NLGN1: variants seen among roughly 807,000 people sequenced by gnomAD.
NLGN1 encodes the protein neuroligin 1, also known as neuroligin-1.
Under a neutral mutation model 65.5 loss-of-function variants are expected in NLGN1, and 12 were observed. The observed-to-expected ratio is 0.18, with a 90% CI of 0.12 to 0.30. The LOEUF is 0.30. NLGN1 is among the 10% of genes least tolerant of loss of function. NLGN1 has a pLI of 1.00. For synonymous variants in NLGN1, 350 were observed against 359.5 expected, an observed-to-expected ratio of 0.97 and a Z score of 0.30; for missense variants, 750 against 1,007.1, an observed-to-expected ratio of 0.74 and a Z score of 3.46.
intron 4 of NLGN1, among the ~76,000 whole-genome samples, chr3:174,155,483 T>G (rs1378526479): frequency 6.6e-6 from 1 of 151,974 alleles, no homozygotes; most frequent in African/African-American, 2.4e-5. Flanking sequence ...TTCGTAACAA[T>G]GTATAGTGAA....
intron 5 of NLGN1, among the ~76,000 whole-genome samples, chr3:174,278,392 A>G (rs575059496): frequency 6.6e-6 from 1 of 151,976 alleles, no homozygotes; most frequent in African/African-American, 2.4e-5. Flanking sequence ...TTCAAATAAC[A>G]TCTGTTTAAA....
chr3:173,619,430 C>T (rs1224931943), intron 3 of NLGN1, among the ~76,000 whole-genome samples: 1 of 152,050 alleles, frequency 6.6e-6, no homozygotes, highest in African/African-American at 2.4e-5. Context: ...CTATGCTGGA[C>T]CCCGAAGATA....
chr3:173,958,593 C>T lies in NLGN1; in HGVS notation c.646+150761C>T, dbSNP rs566317903. ...GGCTTCAGAGGGGAGGAAGGGTGAG[C>T]TGATTGCTCCAAGGGCAGCCATGGG... On this transcript the variant is annotated intron_variant, in intron 4 of 6. Transcript: ENST00000457714. 2.0e-5 allele frequency among the ~76,000 whole-genome samples: 3 copies of T among 152,204 alleles called. No individual in the cohort carries two copies. In the East Asian group the frequency reaches 5.8e-4, roughly 30 times the overall value.
At chr3:173,587,474 C>A (rs1295508354) in intron 2 of NLGN1, among the ~76,000 whole-genome samples, 2 of 151,994 alleles carry the variant, frequency 1.3e-5, no homozygotes, top group Non-Finnish European at 2.9e-5. Context: ...AGCAAGGTAC[C>A]CAGTTAGATA....
At chr3:173,771,641 G>GAACCTTTA (rs1371538957) in intron 3 of NLGN1, among the ~76,000 whole-genome samples, 1 of 26,830 alleles carries the variant, frequency 3.7e-5, no homozygotes, top group African/African-American at 9.2e-5. Context: ...AAAATTAGAG[G>GAACCTTTA]TCTCTAGAAT....
chr3:173,907,414 A>T (rs937233834), intron 4 of NLGN1, among the ~76,000 whole-genome samples: 1 of 151,908 alleles, frequency 6.6e-6, no homozygotes, highest in Non-Finnish European at 1.5e-5. Flanking sequence ...TCTACAGAGA[A>T]TTTTTTCAGA....
chr3:174,158,382 C>T (rs1322836566), intron 4 of NLGN1, among the ~76,000 whole-genome samples: 1 of 151,592 alleles, frequency 6.6e-6, no homozygotes, highest in African/African-American at 2.4e-5. Context: ...TAAGTAGAAA[C>T]CAAACCCCAA....
intron 4 of NLGN1, among the ~76,000 whole-genome samples, chr3:174,273,014 T>TTA: frequency 6.6e-6 from 1 of 151,324 alleles, no homozygotes; most frequent in East Asian, 1.9e-4. Context: ...TTTTTTTTTT[T>TTA]ACAGCACTGT....
chr3:173,550,376 G>T (rs1195108886), intron 2 of NLGN1, among the ~76,000 whole-genome samples: 1 of 151,968 alleles, frequency 6.6e-6, no homozygotes, highest in African/African-American at 2.4e-5. Context: ...GTCAAGGAAG[G>T]ATCATCTGCT....
intron 4 of NLGN1, among the ~76,000 whole-genome samples, chr3:174,200,043 T>C (rs1734150242): frequency 6.6e-6 from 1 of 152,166 alleles, no homozygotes; most frequent in Non-Finnish European, 1.5e-5. Flanking sequence ...GTTTCATAGC[T>C]CCTCGTGTGA....
At chr3:173,422,116 G>T (rs567304056) in intron 1 of NLGN1, among the ~76,000 whole-genome samples, 1 of 150,472 alleles carries the variant, frequency 6.6e-6, no homozygotes, top group South Asian at 2.1e-4. Flanking sequence ...ATATATGTGT[G>T]TATGTGTACT....
At chr3:173,983,751 C>T (rs961214711) in intron 4 of NLGN1, among the ~76,000 whole-genome samples, 2 of 152,104 alleles carry the variant, frequency 1.3e-5, no homozygotes, top group East Asian at 1.9e-4. Flanking sequence ...GTCACCTTCA[C>T]GGAGCAGACT....
chr3:173,650,146 T>TG (rs1758915234), intron 3 of NLGN1, among the ~76,000 whole-genome samples: 1 of 152,070 alleles, frequency 6.6e-6, no homozygotes, highest in African/African-American at 2.4e-5. Flanking sequence ...TGATTTTTTT[T>TG]AACTTAATAC....
At chr3:173,926,781 G>A (rs1743081934) in intron 4 of NLGN1, among the ~76,000 whole-genome samples, 1 of 152,188 alleles carries the variant, frequency 6.6e-6, no homozygotes, top group African/African-American at 2.4e-5. Context: ...GGTGGGGAAA[G>A]TGCAGGGAAG....
intron 1 of NLGN1, among the ~76,000 whole-genome samples, chr3:173,421,891 A>G (rs1360999778): frequency 6.6e-6 from 1 of 152,104 alleles, no homozygotes. Flanking sequence ...ATAGTGTCTT[A>G]GTCATTCTTT....
At chr3:173,462,372 C>T (rs1436590590) in intron 2 of NLGN1, among the ~76,000 whole-genome samples, 1 of 152,116 alleles carries the variant, frequency 6.6e-6, no homozygotes, top group Non-Finnish European at 1.5e-5. Context: ...CTCCTCCAAA[C>T]CACTCTTTTC....
At chr3:173,730,702 C>T (rs554743572) in intron 3 of NLGN1, among the ~76,000 whole-genome samples, 31 of 151,798 alleles carry the variant, frequency 2.0e-4, no homozygotes, top group Middle Eastern at 3.4e-3. Context: ...TTTCCTCACA[C>T]GCTGCAAATA....
intron 2 of NLGN1, among the ~76,000 whole-genome samples, chr3:173,539,612 T>TAGC: frequency 7.7e-6 from 1 of 129,166 alleles, no homozygotes; most frequent in East Asian, 2.4e-4. Context: ...ATGTATGTTA[T>TAGC]ATATTATATA....
At chr3:174,204,849 GT>G (rs35124357) in intron 4 of NLGN1, among the ~76,000 whole-genome samples, 1 of 151,500 alleles carries the variant, frequency 6.6e-6, no homozygotes, top group Non-Finnish European at 1.5e-5. Context: ...CTTCAAACAG[GT>G]TTTTTTTTTA....
Sources: allele counts gnomAD v4.1 joint callset (sites outside exome capture counted in the v4.1 genomes callset), GRCh38; gene constraint gnomAD v4.1.1; transcripts MANE v1.5; gene names NCBI Gene and HGNC (gene_info 2026-07-23, HGNC 2026-07-21).